Variants in CD8B observed in about 807,000 individuals in gnomAD.
CD8B encodes the protein CD8 subunit beta.
A neutral mutation model predicts 24.2 loss-of-function variants in CD8B; 6 were observed. The ratio of observed to expected loss-of-function variants is 0.25; its 90% CI spans 0.14 to 0.49. CD8B has a LOEUF of 0.49. CD8B is among the 20% of genes least tolerant of loss of function. The probability of loss-of-function intolerance (pLI) is 0.98; values close to 1 mark genes in which losing one functional copy is unlikely to be tolerated. For synonymous variants in CD8B, 84 were observed against 108.3 expected (o/e 0.78, Z 1.39); for missense variants, 196 against 271.3 (o/e 0.72, Z 1.95).
At chr2:86,860,174 G>T (rs1440748334) in intron 1 of CD8B, among the ~76,000 whole-genome samples, 1 of 152,282 alleles carries the variant, frequency 6.6e-6, no homozygotes, top group Admixed American at 6.5e-5. Context: ...GGAGGCTGAG[G>T]CAGGAGAATC....
intron 3 of CD8B, among the ~76,000 whole-genome samples, chr2:86,851,678 C>T (rs1675982776): frequency 6.6e-6 from 1 of 152,162 alleles, no homozygotes; most frequent in Non-Finnish European, 1.5e-5. Context: ...CGAGGCAGTG[C>T]TCCAGGGGCT....
rs2104534371 is a variant in CD8B at position 86,839,573 on chromosome 2, C to T, written c.*2734G>A. 6.6e-6 allele frequency among the ~76,000 whole-genome samples: 1 copy of T among 152,364 alleles called. No homozygotes were observed. Among genetic ancestry groups the T allele is most frequent in the Non-Finnish European group, 1.5e-5 (1 of 68,030 alleles). On this transcript the variant is annotated 3_prime_UTR_variant, in exon 6 of 6. Transcript: ENST00000390655. ...TTCTCACCGCAGCCCCCACCATTGG[C>T]AGCCCAGCCTGCTCCAGCTCCCTGG...
chr2:86,815,583 C>T, exon 6 of CD8B: 3 of 1,335,412 alleles, frequency 2.2e-6, no homozygotes, highest in Non-Finnish European at 3.2e-6. Flanking sequence ...TAAAGATCCA[C>T]TCATCAGGAC....
intron 3 of CD8B, among the ~76,000 whole-genome samples, chr2:86,850,951 C>T (rs780558469): frequency 5.3e-5 from 8 of 151,964 alleles, no homozygotes; most frequent in Non-Finnish European, 1.2e-4. Context: ...ATTAGCCAAG[C>T]GTGGTGGTGG....
rs149396437 is a variant in CD8B at position 86,860,138 on chromosome 2, C to A, written c.43+1685G>T. Among the ~76,000 whole-genome samples, 191 of 152,368 alleles carry A rather than the reference C, an allele frequency of 1.3e-3. No homozygotes were observed. In the East Asian group the frequency reaches 0.034, roughly 27 times the overall value. On this transcript the variant is annotated intron_variant, in intron 1 of 5. Coordinates refer to ENST00000390655, the MANE Select transcript of CD8B (RefSeq NM_004931.5). ...TACAAAAATTATCCAGGCATGATGGCGCGTGCCTCTAATCCCAGCTACTAG... is the reference window on the plus strand; with the variant it reads ...TACAAAAATTATCCAGGCATGATGGAGCGTGCCTCTAATCCCAGCTACTAG...
At position 86,842,255 on chromosome 2, in the gene CD8B, C is replaced by G. The variant is rs1330146281; in HGVS notation, c.*52G>C. On this transcript the variant is annotated 3_prime_UTR_variant, in exon 6 of 6. Transcript: ENST00000390655. ...TTCTCTCATTTTTCCACATCGTGCT[C>G]GTTACTGACCGATGTCTTTTTGTAG... 2.6e-6 allele frequency: 4 copies of G among 1,550,734 alleles called. No homozygotes were observed. The highest frequency in any genetic ancestry group is 2.0e-5 in the Admixed American group (1 of 50,466).
chr2:86,837,240 C>T (rs1391639158), downstream of CD8B, among the ~76,000 whole-genome samples: 2 of 152,194 alleles, frequency 1.3e-5, no homozygotes, highest in East Asian at 3.9e-4. Context: ...AAAGGGTACT[C>T]GCTTGTGAAA....
chr2:86,844,600 A>G, intron 5 of CD8B: 1 of 1,398,906 alleles, frequency 7.1e-7, no homozygotes, highest in South Asian at 1.2e-5. Flanking sequence ...TGTTTAGGTT[A>G]TCTCTTAGGT....
rs1675428867 is a variant in CD8B at position 86,841,642 on chromosome 2, G to C, written c.*665C>G. 3.1e-6 allele frequency: 3 copies of C among 983,400 alleles called. No homozygotes were observed. In the African/African-American group the frequency reaches 5.2e-5, roughly 17 times the overall value. 60.9% of individuals were successfully genotyped at this position (983,400 alleles called of 1,614,324 possible). On this transcript the variant is annotated 3_prime_UTR_variant, in exon 6 of 6. Transcript: ENST00000390655. ...CTAAGACATTTGTATAAAACAAACA[G>C]AAAATGAAAGAAGCATTAAGCCATG...
At chr2:86,849,525 G>A (rs1056293918) in intron 3 of CD8B, among the ~76,000 whole-genome samples, 7 of 151,954 alleles carry the variant, frequency 4.6e-5, no homozygotes, top group African/African-American at 1.7e-4. Flanking sequence ...GCTGCCAGGG[G>A]CTGGGAACAG....
At chr2:86,822,410 G>A (rs754152123) in intron 5 of CD8B, 1 of 1,292,604 alleles carries the variant, frequency 7.7e-7, no homozygotes, top group South Asian at 1.3e-5. Flanking sequence ...GATGTTAAAT[G>A]TTAAAAGCAA....
intron 5 of CD8B, among the ~76,000 whole-genome samples, chr2:86,830,268 T>G (rs1674856069): frequency 6.6e-6 from 1 of 152,158 alleles, no homozygotes; most frequent in Non-Finnish European, 1.5e-5. Context: ...AATACTCTGA[T>G]GCATGTCTTT....
chr2:86,858,406 G>A lies in CD8B; in HGVS notation c.54C>T (p.Gly18=). The A allele has an allele frequency of 6.3e-7, 1 of 1,588,074 alleles. No individual in the cohort carries two copies. The change falls in exon 2 of 6, where the codon GGC becomes GGT. Residue 18 remains glycine, a synonymous_variant. Coordinates refer to ENST00000390655, the MANE Select transcript of CD8B (RefSeq NM_004931.5). The stretch of plus-strand genomic sequence containing the variant: ...CAGGGGTCTGCTGGAGGACTGAGTT[G>A]CCATGGAGAACTAGGAAAAGCCAAG... ...LLAAQLTVLH[G]NSVLQQTPAY...
At chr2:86,817,032 C>T (rs187270632) in intron 5 of CD8B, among the ~76,000 whole-genome samples, 19 of 152,236 alleles carry the variant, frequency 1.2e-4, no homozygotes, top group South Asian at 4.1e-4. Context: ...GGGCAAAGTA[C>T]GTGACCAAGC....
At chr2:86,816,079 T>C (rs1674232143) in intron 5 of CD8B, among the ~76,000 whole-genome samples, 1 of 152,212 alleles carries the variant, frequency 6.6e-6, no homozygotes, top group Non-Finnish European at 1.5e-5. Context: ...TCAATTTTAT[T>C]GCCATGGTTA....
intron 5 of CD8B, among the ~76,000 whole-genome samples, chr2:86,832,347 G>C (rs906121862): frequency 6.6e-6 from 1 of 151,948 alleles, no homozygotes; most frequent in African/African-American, 2.4e-5. Context: ...GCATGGTGGT[G>C]TGTGCCTGTA....
At chr2:86,816,483 G>T (rs919055259) in intron 5 of CD8B, among the ~76,000 whole-genome samples, 2 of 152,178 alleles carry the variant, frequency 1.3e-5, no homozygotes, top group South Asian at 4.1e-4. Context: ...TTTTGCTGAA[G>T]GGTAAGGGGG....
downstream of CD8B, among the ~76,000 whole-genome samples, chr2:86,836,368 G>A (rs1675177881): frequency 6.6e-6 from 1 of 152,132 alleles, no homozygotes; most frequent in African/African-American, 2.4e-5. Flanking sequence ...GAGGCTGTAA[G>A]CAAGACTGCG....
intron 3 of CD8B, 146 bp downstream of exon 3, chr2:86,852,851 G>A (rs998267561): frequency 3.8e-6 from 5 of 1,305,950 alleles, no homozygotes; most frequent in Non-Finnish European, 5.2e-6. Flanking sequence ...GGCACACTCA[G>A]CATCCTTTCT....
Sources: gnomAD v4.1 joint callset for allele counts (sites outside exome capture counted in the v4.1 genomes callset) on GRCh38, gnomAD v4.1.1 for gene constraint, MANE v1.5 for transcripts, NCBI Gene and HGNC (gene_info 2026-07-23, HGNC 2026-07-21) for gene names.